Variants in ASXL3 observed in about 807,000 individuals in gnomAD.
ASXL3 encodes putative Polycomb group protein ASXL3.
ASXL3 carries 34 observed loss-of-function variants against 170.6 expected under a neutral mutation model. The observed-to-expected ratio is 0.20, with a 90% CI of 0.15 to 0.27. The LOEUF is 0.27. Ranked by LOEUF, ASXL3 falls within the 10% of genes least tolerant of loss-of-function variation. The pLI, the probability that ASXL3 is intolerant of heterozygous loss-of-function variation, is 1.00. For missense variants in ASXL3, 2,592 were observed against 2,695.3 expected (o/e 0.96, Z 0.85); for synonymous variants, 1,002 against 989.1 (o/e 1.01, Z -0.24).
chr18:33,689,128 G>C (rs2066646802), intron 8 of ASXL3, among the ~76,000 whole-genome samples: 2 of 152,020 alleles, frequency 1.3e-5, no homozygotes, highest in African/African-American at 4.8e-5. Flanking sequence ...CGAGTAGCTA[G>C]ACTATGGCTG....
At position 33,740,199 on chromosome 18, in the gene ASXL3, G is replaced by A. The variant is rs2067636170; in HGVS notation, c.2795G>A (p.Ser932Asn). 6.2e-7 allele frequency: 1 copy of A among 1,613,890 alleles called. No individual in the cohort carries two copies. Among genetic ancestry groups the A allele is most frequent in the Non-Finnish European group, 8.5e-7 (1 of 1,179,868 alleles). Residue 932 changes from serine to asparagine, a missense_variant, in exon 11 of 12, where the codon AGT becomes AAT. Around this residue, in one of 4 missense-constraint regions of ASXL3, gnomAD observed 2,246 missense variants for 2,219.6 expected, o/e 1.01. Transcript: ENST00000269197. ...NKTHKQGSTQ[S>N]RLETSHTSKS... ...ACACATAAGCAAGGGAGTACACAGA[G>A]TCGGTTAGAAACCTCACATACTTCC...
At chr18:33,730,131 G>A (rs1599552457) in intron 8 of ASXL3, among the ~76,000 whole-genome samples, 1 of 152,220 alleles carries the variant, frequency 6.6e-6, no homozygotes, top group Admixed American at 6.5e-5. Flanking sequence ...ATTTGGCCAT[G>A]TTTGGAGATG....
chr18:33,693,116 G>A (rs866327807), intron 8 of ASXL3, among the ~76,000 whole-genome samples: 11 of 152,212 alleles, frequency 7.2e-5, no homozygotes, highest in South Asian at 2.1e-4. Context: ...TTGTGGAGGC[G>A]CAATTCAGTC....
At chr18:33,605,861 CCTTG>C (rs2065242373) in intron 1 of ASXL3, among the ~76,000 whole-genome samples, 1 of 151,892 alleles carries the variant, frequency 6.6e-6, no homozygotes, top group African/African-American at 2.4e-5. Context: ...TTGCCCTCTT[CCTTG>C]CTTGCTTCCT....
At chr18:33,698,835 ATG>A (rs2066818804) in intron 8 of ASXL3, among the ~76,000 whole-genome samples, 1 of 152,162 alleles carries the variant, frequency 6.6e-6, no homozygotes, top group South Asian at 2.1e-4. Context: ...TGGGGAAAAT[ATG>A]TGTTAAGTAG....
At chr18:33,688,798 G>A (rs1331797313) in intron 8 of ASXL3, among the ~76,000 whole-genome samples, 1 of 152,152 alleles carries the variant, frequency 6.6e-6, no homozygotes, top group African/African-American at 2.4e-5. Flanking sequence ...TCTTTGTGCT[G>A]CTTTTCTCCA....
chr18:33,749,689 T>A lies in ASXL3; in HGVS notation c.*3094T>A, dbSNP rs1372254204. 6.6e-6 allele frequency: 1 copy of A among 152,016 alleles called. No individual in the cohort carries two copies. The highest frequency in any genetic ancestry group is 1.5e-5 in the Non-Finnish European group (1 of 68,004). 9.4% of individuals were successfully genotyped at this position (152,016 alleles called of 1,614,324 possible). A position where few individuals can be genotyped will look rare whatever the true frequency, so the allele number is the denominator to read the frequency against. On this transcript the variant is annotated 3_prime_UTR_variant, in exon 12 of 12. Coordinates refer to ENST00000269197, the MANE Select transcript of ASXL3 (RefSeq NM_030632.3). The stretch of plus-strand genomic sequence containing the variant: ...AGAAATTTTGGTGAACTGAGCACCA[T>A]AGTTATATAATATTTCCCTGCGAAG...
intron 8 of ASXL3, among the ~76,000 whole-genome samples, chr18:33,717,312 T>C (rs2067180523): frequency 6.6e-6 from 1 of 152,160 alleles, no homozygotes; most frequent in Non-Finnish European, 1.5e-5. Flanking sequence ...AATATCATGA[T>C]ATCTGTGTTC....
chr18:33,729,300 TAC>T (rs559563563), intron 8 of ASXL3, among the ~76,000 whole-genome samples: 41 of 152,294 alleles, frequency 2.7e-4, no homozygotes, highest in African/African-American at 9.4e-4. Context: ...AGCATTTTTC[TAC>T]AGTCTGTTGT....
Position 33,701,574 on chromosome 18 carries a change from A to G in ASXL3, c.879+18006A>G, listed in dbSNP as rs914909216. Among the ~76,000 whole-genome samples, 3 of 151,384 alleles carry G rather than the reference A, an allele frequency of 2.0e-5. No individual in the cohort carries two copies. In the South Asian group the frequency reaches 6.2e-4, roughly 32 times the overall value. On this transcript the variant is annotated intron_variant, in intron 8 of 11. Coordinates refer to ENST00000269197, the MANE Select transcript of ASXL3 (RefSeq NM_030632.3). Reference sequence around the variant, plus strand: ...TGTATATGGGTTTTTTTCTTCACTGATTTTTGGGTTGATGAGAAGCCAGCT... The same window carrying G: ...TGTATATGGGTTTTTTTCTTCACTGGTTTTTGGGTTGATGAGAAGCCAGCT...
Position 33,738,654 on chromosome 18 carries a change from G to T in ASXL3, c.1250G>T (p.Gly417Val), listed in dbSNP as rs1348528374. Reference sequence around the variant, plus strand: ...AAAAGCCCAGCTTCTCCAGAGCCTGGTTTCTGTGCTACTCTTTGCCCTATG... The same window carrying T: ...AAAAGCCCAGCTTCTCCAGAGCCTGTTTTCTGTGCTACTCTTTGCCCTATG... ...SMKSPASPEPGFCATLCPMVE... is the reference protein window; with the variant it reads ...SMKSPASPEPVFCATLCPMVE... The change falls in exon 11 of 12, where the codon GGT (glycine) becomes GTT (valine). Residue 417 changes from glycine (G) to valine (V), a missense_variant. Around this residue, in one of 4 missense-constraint regions of ASXL3, gnomAD observed 2,246 missense variants for 2,219.6 expected, o/e 1.01. Transcript: ENST00000269197. 2 of 1,613,954 alleles carry T rather than the reference G, an allele frequency of 1.2e-6. No homozygotes were observed. Among genetic ancestry groups the T allele is most frequent in the Middle Eastern group, 1.6e-4 (1 of 6,062 alleles).
At position 33,644,988 on chromosome 18, in the gene ASXL3, C is replaced by T. The variant is rs1206949695; in HGVS notation, c.232C>T (p.Leu78Phe). ...CTTCAAAATCCCTGGAAAGTCAGGC[C>T]TCTATGCTCTCAAAGTAAGTTGCAT... The part of the protein sequence containing the change: ...TFFKIPGKSG[L>F]YALKKEESSC... Residue 78 changes from leucine (L) to phenylalanine (F), a missense_variant, in exon 3 of 12, where the codon CTC becomes TTC. By Grantham distance (22) the Leu-to-Phe change is conservative. Around this residue, in one of 4 missense-constraint regions of ASXL3, gnomAD observed 251 missense variants for 281.9 expected, o/e 0.89. Transcript: ENST00000269197. 6.5e-7 allele frequency: 1 copy of T among 1,549,382 alleles called. No individual in the cohort carries two copies. Among genetic ancestry groups the T allele is most frequent in the South Asian group, 1.2e-5 (1 of 84,578 alleles).
At chr18:33,652,579 G>C (rs1178117719) in intron 4 of ASXL3, among the ~76,000 whole-genome samples, 4 of 101,862 alleles carry the variant, frequency 3.9e-5, no homozygotes, top group Non-Finnish European at 5.7e-5. Flanking sequence ...AAGGGAATTA[G>C]TATTTTAAAA....
chr18:33,632,032 T>C (rs1409993456), intron 2 of ASXL3, among the ~76,000 whole-genome samples: 1 of 152,136 alleles, frequency 6.6e-6, no homozygotes, highest in African/African-American at 2.4e-5. Flanking sequence ...TGAGTGATTT[T>C]TCTCATCTTT....
At chr18:33,622,608 T>C (rs1424320569) in intron 2 of ASXL3, among the ~76,000 whole-genome samples, 1 of 152,120 alleles carries the variant, frequency 6.6e-6, no homozygotes, top group Non-Finnish European at 1.5e-5. Context: ...AGTTATGAGA[T>C]AGCTGTGTTA....
At chr18:33,618,920 AT>A (rs1400870865) in intron 2 of ASXL3, among the ~76,000 whole-genome samples, 3 of 152,280 alleles carry the variant, frequency 2.0e-5, no homozygotes, top group Admixed American at 2.0e-4. Flanking sequence ...TGTACCATTA[AT>A]TTTCTTGGCA....
chr18:33,702,431 G>A (rs1172322573), intron 8 of ASXL3, among the ~76,000 whole-genome samples: 2 of 151,988 alleles, frequency 1.3e-5, no homozygotes, highest in East Asian at 1.9e-4. Context: ...TATTATTTTA[G>A]TGAAGCTACT....
intron 1 of ASXL3, among the ~76,000 whole-genome samples, chr18:33,593,589 A>G (rs2065099172): frequency 6.6e-6 from 1 of 152,162 alleles, no homozygotes; most frequent in Admixed American, 6.5e-5. Context: ...AAACCAGACG[A>G]GCGACGTTTG....
At chr18:33,584,863 T>A (rs1278231465) in intron 1 of ASXL3, among the ~76,000 whole-genome samples, 1 of 151,676 alleles carries the variant, frequency 6.6e-6, no homozygotes, top group Non-Finnish European at 1.5e-5. Flanking sequence ...CATTTTATAT[T>A]TATATGTTGT....
Sources: gnomAD v4.1 joint callset for allele counts (sites outside exome capture counted in the v4.1 genomes callset) on GRCh38, gnomAD v4.1.1 for gene constraint, gnomAD v4.1.1 regional missense constraint, MANE v1.5 for transcripts, NCBI Gene and HGNC (gene_info 2026-07-23, HGNC 2026-07-21) for gene names.